MAP2K4: variants seen among roughly 807,000 people sequenced by gnomAD.
The protein encoded by MAP2K4 is mitogen-activated protein kinase kinase 4.
Under a neutral mutation model 48.5 loss-of-function variants are expected in MAP2K4, and 4 were observed. That is an observed-to-expected ratio of 0.08 (90% CI 0.04 to 0.19). The LOEUF (loss-of-function observed/expected upper bound fraction) is 0.19, where lower values mean the gene tolerates loss of function less well. MAP2K4 is among the 10% of genes least tolerant of loss of function. The pLI, the probability that MAP2K4 is intolerant of heterozygous loss-of-function variation, is 1.00. For missense variants in MAP2K4, 258 were observed against 493.3 expected (o/e 0.52, Z 4.52); for synonymous variants, 166 against 173.1 (o/e 0.96, Z 0.32).
At chr17:12,121,771 T>C (rs918034663) in intron 7 of MAP2K4, among the ~76,000 whole-genome samples, 2 of 152,228 alleles carry the variant, frequency 1.3e-5, no homozygotes, top group African/African-American at 2.4e-5. Flanking sequence ...TAGACATGCA[T>C]ACTTCATGTA....
At chr17:12,125,538 C>A (rs1972827305) in intron 8 of MAP2K4, among the ~76,000 whole-genome samples, 167 bp downstream of exon 8, 1 of 151,828 alleles carries the variant, frequency 6.6e-6, no homozygotes, top group Non-Finnish European at 1.5e-5. Flanking sequence ...CTTTAAAAAT[C>A]AAATCAGACT....
At chr17:12,102,142 T>C (rs1035193600) in intron 4 of MAP2K4, among the ~76,000 whole-genome samples, 1 of 152,112 alleles carries the variant, frequency 6.6e-6, no homozygotes, top group Non-Finnish European at 1.5e-5. Context: ...CTGTGGACTT[T>C]TCATATATAT....
At chr17:12,038,024 T>G (rs1437353128) in intron 1 of MAP2K4, among the ~76,000 whole-genome samples, 1 of 152,144 alleles carries the variant, frequency 6.6e-6, no homozygotes, top group Non-Finnish European at 1.5e-5. Context: ...TGTGTGACAT[T>G]TTTGATAAGA....
intron 2 of MAP2K4, among the ~76,000 whole-genome samples, chr17:12,074,015 G>A (rs185943978): frequency 1.2e-3 from 182 of 152,102 alleles, no homozygotes; most frequent in Admixed American, 3.6e-3. Flanking sequence ...CTCGTGATTC[G>A]CCCACCTCGG....
intron 1 of MAP2K4, among the ~76,000 whole-genome samples, chr17:12,037,581 AAC>A (rs1179445573): frequency 3.2e-4 from 49 of 152,198 alleles, no homozygotes; most frequent in African/African-American, 1.1e-3. Flanking sequence ...AATCCTAAGA[AAC>A]AAAATGTCAT....
At chr17:12,060,656 G>A (rs1970419150) in intron 2 of MAP2K4, among the ~76,000 whole-genome samples, 1 of 152,166 alleles carries the variant, frequency 6.6e-6, no homozygotes, top group African/African-American at 2.4e-5. Context: ...ACAAAATAGC[G>A]GTAATGGTAG....
chr17:12,034,577 G>GA (rs1464643263), intron 1 of MAP2K4, among the ~76,000 whole-genome samples: 1 of 152,198 alleles, frequency 6.6e-6, no homozygotes, highest in Non-Finnish European at 1.5e-5. Context: ...TGGACACCTA[G>GA]AAACCATACA....
At chr17:12,050,889 G>T (rs970566313) in intron 1 of MAP2K4, among the ~76,000 whole-genome samples, 56 of 152,222 alleles carry the variant, frequency 3.7e-4, no homozygotes, top group African/African-American at 1.3e-3. Context: ...CTTTCTTCAG[G>T]ATTACAGTTC....
rs1375813195 is a variant in MAP2K4, at chr17:12,050,272, TAATA to T, written c.116-4612_116-4609del. ...AAACAATCTACTAATAATTCTAATTTAATAAATATTTGTTGAACTGCTGTTTTGT... is the reference window on the plus strand; with the variant it reads ...AAACAATCTACTAATAATTCTAATTTAATATTTGTTGAACTGCTGTTTTGT... On this transcript the variant is annotated intron_variant, in intron 1 of 10. Coordinates refer to ENST00000353533, the MANE Select transcript of MAP2K4 (RefSeq NM_003010.4). Among the ~76,000 whole-genome samples the T allele has an allele frequency of 4.0e-4, 61 of 152,324 alleles. 1 individual carries two copies. Among genetic ancestry groups the T allele is most frequent in the Non-Finnish European group, 1.6e-4 (11 of 68,028 alleles).
At chr17:12,103,033 T>C (rs1056090199) in intron 4 of MAP2K4, among the ~76,000 whole-genome samples, 2 of 148,890 alleles carry the variant, frequency 1.3e-5, no homozygotes, top group Non-Finnish European at 3.0e-5. Flanking sequence ...TTTCTTTTCT[T>C]ATCTTTAAAA....
chr17:12,098,768 C>T (rs1398441589), intron 4 of MAP2K4, among the ~76,000 whole-genome samples: 1 of 152,064 alleles, frequency 6.6e-6, no homozygotes, highest in Non-Finnish European at 1.5e-5. Context: ...GAGACACCCT[C>T]CAGGGATTTC....
chr17:12,135,690 C>T (rs1229533210), intron 9 of MAP2K4, among the ~76,000 whole-genome samples: 6 of 152,124 alleles, frequency 3.9e-5, no homozygotes, highest in African/African-American at 1.2e-4. Context: ...GCTGGGACTA[C>T]AGGCACGCAC....
At chr17:12,114,924 A>G (rs1005687089) in intron 7 of MAP2K4, among the ~76,000 whole-genome samples, 6 of 152,206 alleles carry the variant, frequency 3.9e-5, no homozygotes, top group East Asian at 1.9e-4. Context: ...AAAGGCTGAT[A>G]AACTCTTGGC....
intron 9 of MAP2K4, among the ~76,000 whole-genome samples, chr17:12,133,954 A>G (rs1364831204): frequency 6.6e-6 from 1 of 152,068 alleles, no homozygotes; most frequent in Non-Finnish European, 1.5e-5. Context: ...AGTAGTATCT[A>G]CTCCTGCCTT....
At chr17:12,062,837 T>G (rs1246364493) in intron 2 of MAP2K4, among the ~76,000 whole-genome samples, 1 of 152,118 alleles carries the variant, frequency 6.6e-6, no homozygotes, top group Non-Finnish European at 1.5e-5. Context: ...TTGTGGGGAT[T>G]TTTCTTTTTC....
intron 1 of MAP2K4, among the ~76,000 whole-genome samples, chr17:12,037,135 T>C (rs924895974): frequency 6.6e-6 from 1 of 152,152 alleles, no homozygotes; most frequent in Admixed American, 6.5e-5. Flanking sequence ...CGAATTGAAA[T>C]TAGAGTACAG....
intron 7 of MAP2K4, among the ~76,000 whole-genome samples, chr17:12,119,145 G>A (rs2151582298): frequency 6.6e-6 from 1 of 152,286 alleles, no homozygotes; most frequent in East Asian, 1.9e-4. Flanking sequence ...CAACGAGGAA[G>A]AAATGCCCAT....
rs578180007 is a variant in MAP2K4, at chr17:12,067,933, G to A, written c.218+12942G>A. Among the ~76,000 whole-genome samples the A allele has an allele frequency of 4.6e-5, 7 of 152,298 alleles. No individual in the cohort carries two copies. In the East Asian group the frequency reaches 7.7e-4, roughly 17 times the overall value. ...TGCTATTAAAGGAAGAGAACCAGGT[G>A]CTATGAGAAAATGAAATATGGGCCT... On this transcript the variant is annotated intron_variant, in intron 2 of 10. Transcript: ENST00000353533.
chr17:12,069,559 C>A, intron 2 of MAP2K4: 1 of 200,264 alleles, frequency 5.0e-6, no homozygotes, highest in Non-Finnish European at 9.3e-6. Flanking sequence ...ACATTCTGTT[C>A]ACTAAATATG....
Sources: gnomAD v4.1 joint callset for allele counts (sites outside exome capture counted in the v4.1 genomes callset) on GRCh38, gnomAD v4.1.1 for gene constraint, MANE v1.5 for transcripts, NCBI Gene and HGNC (gene_info 2026-07-23, HGNC 2026-07-21) for gene names.